DAB1: variants seen among roughly 807,000 people sequenced by gnomAD.
The protein encoded by DAB1 is disabled homolog 1.
DAB1 carries 15 observed loss-of-function variants against 64.6 expected under a neutral mutation model. The observed-to-expected ratio is 0.23, with a 90% CI of 0.16 to 0.36. The LOEUF (loss-of-function observed/expected upper bound fraction) is 0.36, where lower values mean the gene tolerates loss of function less well. DAB1 is among the 10% of genes least tolerant of loss of function. DAB1 has a pLI of 1.00. For missense variants in DAB1, 596 were observed against 706.7 expected (o/e 0.84, Z 1.78); for synonymous variants, 235 against 251.9 (o/e 0.93, Z 0.64).
intron 7 of DAB1, among the ~76,000 whole-genome samples, chr1:57,503,488 C>T (rs1644313451): frequency 6.6e-6 from 1 of 152,162 alleles, no homozygotes; most frequent in South Asian, 2.1e-4. Context: ...GTCATCTGCA[C>T]TGTGTCAACA....
At chr1:58,345,731 A>G (rs1001388787) in intron 3 of DAB1, among the ~76,000 whole-genome samples, 2 of 151,814 alleles carry the variant, frequency 1.3e-5, no homozygotes, top group African/African-American at 4.8e-5. Flanking sequence ...CCTCGTGCCT[A>G]AGAGGACCTC....
At chr1:57,190,307 A>AGTAGGTT (rs1390189118) in intron 2 of DAB1, among the ~76,000 whole-genome samples, 1 of 152,204 alleles carries the variant, frequency 6.6e-6, no homozygotes, top group African/African-American at 2.4e-5. Flanking sequence ...AGCCAGCATC[A>AGTAGGTT]GCTGTAACCA....
At chr1:57,355,160 C>T (rs1678971933) in intron 1 of DAB1, among the ~76,000 whole-genome samples, 1 of 151,894 alleles carries the variant, frequency 6.6e-6, no homozygotes, top group Non-Finnish European at 1.5e-5. Context: ...TCTTCCTTCC[C>T]TCTTTCCCTC....
intron 7 of DAB1, among the ~76,000 whole-genome samples, chr1:57,563,845 T>C (rs1645083388): frequency 6.6e-6 from 1 of 152,172 alleles, no homozygotes; most frequent in African/African-American, 2.4e-5. Flanking sequence ...CCTGCCTCTG[T>C]AGACTCCATC....
At chr1:57,067,518 C>T (rs1651033698) in intron 8 of DAB1, among the ~76,000 whole-genome samples, 1 of 152,116 alleles carries the variant, frequency 6.6e-6, no homozygotes, top group Non-Finnish European at 1.5e-5. Flanking sequence ...TGCACTTAAA[C>T]CCCATTAACA....
intron 5 of DAB1, among the ~76,000 whole-genome samples, chr1:58,132,106 C>T (rs1026237646): frequency 1.6e-4 from 25 of 152,084 alleles, no homozygotes; most frequent in Admixed American, 9.8e-4. Flanking sequence ...TAGCAATCAG[C>T]GAGACTCCGT....
intron 1 of DAB1, among the ~76,000 whole-genome samples, chr1:57,384,871 T>C (rs752205835): frequency 6.6e-6 from 1 of 152,224 alleles, no homozygotes; most frequent in Non-Finnish European, 1.5e-5. Context: ...GTTAAGATGA[T>C]AAATTTTACA....
At chr1:57,423,724 C>T (rs1685112213) in intron 1 of DAB1, among the ~76,000 whole-genome samples, 2 of 152,154 alleles carry the variant, frequency 1.3e-5, no homozygotes, top group South Asian at 4.1e-4. Context: ...CCTTTTCCTC[C>T]CAGCAAGTGG....
At chr1:57,502,318 CAAAAAAAA>C (rs10649147) in intron 7 of DAB1, among the ~76,000 whole-genome samples, 1 of 94,238 alleles carries the variant, frequency 1.1e-5, no homozygotes, top group African/African-American at 3.7e-5. Context: ...GAGTCCGTCT[CAAAAAAAA>C]AAAAAAAAAA....
At chr1:58,099,853 G>C (rs1043369753) in intron 5 of DAB1, among the ~76,000 whole-genome samples, 1 of 152,234 alleles carries the variant, frequency 6.6e-6, no homozygotes, top group Non-Finnish European at 1.5e-5. Flanking sequence ...GACGGGCTCA[G>C]TTTTGAACAC....
chr1:57,152,108 C>T (rs903734841), intron 2 of DAB1, among the ~76,000 whole-genome samples: 14 of 152,146 alleles, frequency 9.2e-5, no homozygotes, highest in South Asian at 4.2e-4. Context: ...GCCACCATGC[C>T]GGGTGTCTTT....
At chr1:58,486,665 T>C (rs1645580647) in intron 3 of DAB1, among the ~76,000 whole-genome samples, 1 of 152,104 alleles carries the variant, frequency 6.6e-6, no homozygotes, top group Non-Finnish European at 1.5e-5. Context: ...GTTAAGTACA[T>C]GAAGAAACTA....
chr1:57,712,306 A>C (rs1173296749), intron 6 of DAB1, among the ~76,000 whole-genome samples: 1 of 152,198 alleles, frequency 6.6e-6, no homozygotes, highest in Non-Finnish European at 1.5e-5. Context: ...TACTCCTTGT[A>C]ATTTTATTCC....
intron 2 of DAB1, among the ~76,000 whole-genome samples, chr1:57,280,402 G>T (rs991455659): frequency 5.3e-5 from 8 of 152,126 alleles, no homozygotes; most frequent in African/African-American, 1.7e-4. Flanking sequence ...GCACACCTGG[G>T]AACATTGTCT....
intron 7 of DAB1, among the ~76,000 whole-genome samples, chr1:57,608,080 G>GA (rs1252286761): frequency 7.9e-5 from 12 of 152,016 alleles, no homozygotes; most frequent in African/African-American, 2.7e-4. Flanking sequence ...CACATACCCA[G>GA]AAAAAATCTC....
chr1:57,572,027 C>T (rs1645198994), intron 7 of DAB1, among the ~76,000 whole-genome samples: 1 of 152,164 alleles, frequency 6.6e-6, no homozygotes, highest in South Asian at 2.1e-4. Flanking sequence ...CAGTCCATGA[C>T]AAATCCTGGA....
chr1:58,184,094 G>C (rs1162307161), intron 4 of DAB1, among the ~76,000 whole-genome samples: 3 of 151,848 alleles, frequency 2.0e-5, no homozygotes, highest in Non-Finnish European at 4.4e-5. Flanking sequence ...TGTTTTATAG[G>C]GTCAGGATTT....
chr1:58,307,499 A>C (rs1272513232), intron 4 of DAB1, among the ~76,000 whole-genome samples: 2 of 152,188 alleles, frequency 1.3e-5, no homozygotes, highest in Non-Finnish European at 2.9e-5. Flanking sequence ...CTGGTGTCAG[A>C]ATTTCTTGGA....
At chr1:58,284,088 G>C (rs1038771637) in intron 4 of DAB1, among the ~76,000 whole-genome samples, 1 of 152,186 alleles carries the variant, frequency 6.6e-6, no homozygotes, top group Non-Finnish European at 1.5e-5. Flanking sequence ...ACAGAGATGA[G>C]TTTTCCAGGT....
Sources: allele counts gnomAD v4.1 joint callset (sites outside exome capture counted in the v4.1 genomes callset), GRCh38; gene constraint gnomAD v4.1.1; transcripts MANE v1.5; gene names NCBI Gene and HGNC (gene_info 2026-07-23, HGNC 2026-07-21).